KATNAL1: variants seen among roughly 807,000 people sequenced by gnomAD.
The protein encoded by KATNAL1 is katanin catalytic subunit A1 like 1.
A neutral mutation model predicts 55.2 loss-of-function variants in KATNAL1; 32 were observed. The observed-to-expected ratio is 0.58, with a 90% CI of 0.44 to 0.78. KATNAL1 has a LOEUF of 0.78. Ranked by LOEUF, KATNAL1 falls within the 30% of genes least tolerant of loss-of-function variation. The probability of loss-of-function intolerance (pLI) is 0.00; values close to 1 mark genes in which losing one functional copy is unlikely to be tolerated. For synonymous variants in KATNAL1, 193 were observed against 193.6 expected (o/e 1.00, Z 0.02); for missense variants, 466 against 600.9 (o/e 0.78, Z 2.35).
At chr13:30,251,749 T>G (rs1227751468) in intron 4 of KATNAL1, among the ~76,000 whole-genome samples, 2 of 152,230 alleles carry the variant, frequency 1.3e-5, no homozygotes, top group African/African-American at 4.8e-5. Flanking sequence ...GGCCAGGAGC[T>G]ACATTTCATT....
At chr13:30,256,181 A>T (rs1285621522) in intron 3 of KATNAL1, among the ~76,000 whole-genome samples, 1 of 152,242 alleles carries the variant, frequency 6.6e-6, no homozygotes, top group Non-Finnish European at 1.5e-5. Context: ...GTTTTAAAAT[A>T]TTCATGTTTT....
chr13:30,267,685 A>G (rs1879883191), intron 3 of KATNAL1, among the ~76,000 whole-genome samples: 2 of 152,360 alleles, frequency 1.3e-5, no homozygotes, highest in South Asian at 4.1e-4. Context: ...ACAATAAAAC[A>G]TGCAGGAATT....
intron 3 of KATNAL1, among the ~76,000 whole-genome samples, chr13:30,265,296 C>T (rs1374798913): frequency 4.6e-5 from 7 of 151,466 alleles, no homozygotes; most frequent in African/African-American, 1.2e-4. Context: ...GTGGGTGCAG[C>T]GCACCAGCAT....
At chr13:30,222,085 A>C (rs1376535524) in intron 9 of KATNAL1, among the ~76,000 whole-genome samples, 1 of 152,146 alleles carries the variant, frequency 6.6e-6, no homozygotes. Flanking sequence ...ATTATTCTGA[A>C]TGTGTCTGTG....
At chr13:30,276,546 A>C (rs1880859480) in intron 3 of KATNAL1, among the ~76,000 whole-genome samples, 1 of 151,994 alleles carries the variant, frequency 6.6e-6, no homozygotes, top group African/African-American at 2.4e-5. Flanking sequence ...AAACAAAACA[A>C]GATGAAGTAA....
intron 4 of KATNAL1, among the ~76,000 whole-genome samples, chr13:30,245,173 G>A (rs1230381945): frequency 1.3e-5 from 2 of 152,178 alleles, no homozygotes; most frequent in South Asian, 2.1e-4. Context: ...CTGGCAAACC[G>A]AATCCAGCAG....
chr13:30,262,449 C>CA (rs1267821077), intron 3 of KATNAL1, among the ~76,000 whole-genome samples: 2 of 151,372 alleles, frequency 1.3e-5, no homozygotes, highest in African/African-American at 4.9e-5. Context: ...TTGAAAGGAT[C>CA]AAAAAAATGG....
At chr13:30,291,801 C>T (rs568164320) in intron 1 of KATNAL1, among the ~76,000 whole-genome samples, 51 of 152,004 alleles carry the variant, frequency 3.4e-4, no homozygotes, top group African/African-American at 1.2e-3. Context: ...TTTGGGAAGC[C>T]GAGGAGAGTG....
chr13:30,243,657 T>G (rs987570295), intron 4 of KATNAL1, among the ~76,000 whole-genome samples: 10 of 117,262 alleles, frequency 8.5e-5, no homozygotes, highest in Non-Finnish European at 1.6e-4. Context: ...ACAAAAGAGA[T>G]AGATTTCAGA....
intron 7 of KATNAL1, among the ~76,000 whole-genome samples, 161 bp from the exon 8 acceptor site, chr13:30,230,755 G>GA (rs1425575766): frequency 6.6e-6 from 1 of 152,124 alleles, no homozygotes; most frequent in Non-Finnish European, 1.5e-5. Context: ...ATTCCCATGA[G>GA]AAAAAAGAAA....
intron 3 of KATNAL1, among the ~76,000 whole-genome samples, chr13:30,272,421 A>C (rs974325205): frequency 3.3e-5 from 5 of 152,164 alleles, no homozygotes; most frequent in African/African-American, 1.2e-4. Flanking sequence ...AAAAAAAGAA[A>C]AAAGGGGCAG....
chr13:30,278,492 T>C (rs559086148), intron 3 of KATNAL1, among the ~76,000 whole-genome samples: 4 of 152,246 alleles, frequency 2.6e-5, no homozygotes, highest in Non-Finnish European at 5.9e-5. Flanking sequence ...CTAGTGTCAC[T>C]GTAGTGATAT....
rs76480996 is a variant in KATNAL1 at position 30,240,444 on chromosome 13, T to A, written c.726+16A>T. 5.9e-3 allele frequency: 9,100 copies of A among 1,555,314 alleles called. 308 individuals are homozygous for A. In the African/African-American group the frequency reaches 0.089, roughly 15 times the overall value. ...AGTAGCATTCTTATATCAAAACCAA[T>A]TTAATAAATTCTCACCTTCCATGGC... On this transcript the variant is annotated intron_variant, in intron 6 of 10. Transcript: ENST00000380615.
At chr13:30,229,948 CT>C (rs35961753) in intron 8 of KATNAL1, among the ~76,000 whole-genome samples, 3,744 of 136,968 alleles carry the variant, frequency 0.027, 102 homozygotes, top group African/African-American at 0.078. Context: ...AGAAGAGGGG[CT>C]TTTTTTTTTT....
At chr13:30,259,416 A>G (rs963205261) in intron 3 of KATNAL1, among the ~76,000 whole-genome samples, 8 of 151,852 alleles carry the variant, frequency 5.3e-5, no homozygotes, top group Non-Finnish European at 4.4e-5. Flanking sequence ...TCCCAGTGTG[A>G]GCGACGCAAA....
chr13:30,237,740 TCC>T (rs1392895962), intron 6 of KATNAL1, among the ~76,000 whole-genome samples: 1 of 152,132 alleles, frequency 6.6e-6, no homozygotes, highest in African/African-American at 2.4e-5. Context: ...CAAAAATAAT[TCC>T]TTATCTCTTT....
intron 1 of KATNAL1, among the ~76,000 whole-genome samples, chr13:30,289,496 C>T (rs564607421): frequency 2.3e-4 from 35 of 152,334 alleles, no homozygotes; most frequent in Middle Eastern, 3.4e-3. Flanking sequence ...AGAAATTCTA[C>T]TGGAATAAGA....
chr13:30,228,940 T>C (rs1275005803), intron 8 of KATNAL1, among the ~76,000 whole-genome samples: 1 of 152,156 alleles, frequency 6.6e-6, no homozygotes, highest in Non-Finnish European at 1.5e-5. Flanking sequence ...TTTTGCTACG[T>C]TAAAGTCTTG....
chr13:30,270,126 G>A (rs1319065213), intron 3 of KATNAL1, among the ~76,000 whole-genome samples: 20 of 122,784 alleles, frequency 1.6e-4, no homozygotes, highest in South Asian at 5.9e-4. Flanking sequence ...GGTGAGGGGC[G>A]CCTCTGCCCG....
Sources: allele counts gnomAD v4.1 joint callset (sites outside exome capture counted in the v4.1 genomes callset), GRCh38; gene constraint gnomAD v4.1.1; transcripts MANE v1.5; gene names NCBI Gene and HGNC (gene_info 2026-07-23, HGNC 2026-07-21).